RSPO2: variants seen among roughly 807,000 people sequenced by gnomAD.
RSPO2 encodes the protein R-spondin-2.
RSPO2 carries 14 observed loss-of-function variants against 30.9 expected under a neutral mutation model. The ratio of observed to expected loss-of-function variants is 0.45; its 90% CI spans 0.30 to 0.71. The LOEUF is 0.71. Ranked by LOEUF, RSPO2 falls within the 30% of genes least tolerant of loss-of-function variation. The pLI is 0.08. For missense variants in RSPO2, 264 were observed against 301.9 expected (o/e 0.87, Z 0.93); for synonymous variants, 107 against 96.4 (o/e 1.11, Z -0.64).
rs1813250961 is a variant in RSPO2 at position 108,082,784 on chromosome 8, G to T, written c.-146C>A. 1.7e-6 allele frequency: 1 copy of T among 602,494 alleles called. No individual in the cohort carries two copies. Among genetic ancestry groups the T allele is most frequent in the Non-Finnish European group, 2.9e-6 (1 of 341,710 alleles). The allele number at this position is 602,494 out of a possible 1,614,324, so 37.3% of individuals were successfully genotyped here. On this transcript the variant is annotated 5_prime_UTR_variant, in exon 2 of 6. Transcript: ENST00000276659. Reference sequence around the variant, plus strand: ...CGGGCCGCACCGGTCAGTTCAGCGCGATCAGCATCTCTCCGCCACGAACCT... The same window carrying T: ...CGGGCCGCACCGGTCAGTTCAGCGCTATCAGCATCTCTCCGCCACGAACCT...
At chr8:108,001,604 C>A (rs1586616812) in intron 2 of RSPO2, among the ~76,000 whole-genome samples, 1 of 152,256 alleles carries the variant, frequency 6.6e-6, no homozygotes, top group East Asian at 1.9e-4. Flanking sequence ...ACTGCTAACA[C>A]CAATAACATT....
intron 2 of RSPO2, among the ~76,000 whole-genome samples, chr8:108,065,051 T>TC (rs1194031140): frequency 1.3e-5 from 2 of 151,916 alleles, no homozygotes. Flanking sequence ...GGGATAGCAT[T>TC]AGGATATATA....
intron 2 of RSPO2, among the ~76,000 whole-genome samples, chr8:108,041,671 C>T (rs1362058673): frequency 6.6e-6 from 1 of 152,014 alleles, no homozygotes; most frequent in Non-Finnish European, 1.5e-5. Flanking sequence ...GGGTTGTTAT[C>T]AGAGTGATAA....
rs1812773572 is a variant in RSPO2, at chr8:108,069,386, G to A, written c.94+13159C>T. On this transcript the variant is annotated intron_variant, in intron 2 of 5. Transcript: ENST00000276659. Reference sequence around the variant, plus strand: ...GCACCACCCCACCCAGCTAATTTTTGTATTTTTAGCAGAGACAGGGTTTCA... The same window carrying A: ...GCACCACCCCACCCAGCTAATTTTTATATTTTTAGCAGAGACAGGGTTTCA... Among the ~76,000 whole-genome samples the A allele has an allele frequency of 2.0e-5, 3 of 152,092 alleles. No individual in the cohort carries two copies. In the South Asian group the frequency reaches 6.2e-4, roughly 31 times the overall value.
At chr8:107,904,507 A>C (rs1811578029) in intron 5 of RSPO2, among the ~76,000 whole-genome samples, 1 of 152,068 alleles carries the variant, frequency 6.6e-6, no homozygotes, top group South Asian at 2.1e-4. Flanking sequence ...TCTCTTCAAA[A>C]TCAGGTAGAA....
At chr8:108,049,822 G>A (rs1172374532) in intron 2 of RSPO2, among the ~76,000 whole-genome samples, 1 of 152,078 alleles carries the variant, frequency 6.6e-6, no homozygotes, top group Non-Finnish European at 1.5e-5. Flanking sequence ...ATGTGGTTTG[G>A]TTCCAAGTCT....
chr8:107,993,515 C>T (rs1449092723), intron 2 of RSPO2, among the ~76,000 whole-genome samples: 3 of 152,070 alleles, frequency 2.0e-5, no homozygotes, highest in Admixed American at 6.6e-5. Flanking sequence ...GGGTCAAAGG[C>T]AGGCACGGCT....
At chr8:108,034,859 C>T (rs1272363625) in intron 2 of RSPO2, among the ~76,000 whole-genome samples, 3 of 152,188 alleles carry the variant, frequency 2.0e-5, no homozygotes, top group East Asian at 3.9e-4. Flanking sequence ...CTTGTGATAA[C>T]CTGTGACCAG....
chr8:107,946,571 A>C (rs990690392), intron 5 of RSPO2, among the ~76,000 whole-genome samples: 3 of 152,216 alleles, frequency 2.0e-5, no homozygotes, highest in Non-Finnish European at 4.4e-5. Context: ...GGTAGGCCGA[A>C]ATTAAAGGAG....
At chr8:107,905,623 C>A (rs1373278306) in intron 5 of RSPO2, among the ~76,000 whole-genome samples, 2 of 151,946 alleles carry the variant, frequency 1.3e-5, no homozygotes, top group Admixed American at 6.6e-5. Flanking sequence ...TTCTTCAAAG[C>A]CACTAAAACT....
intron 2 of RSPO2, among the ~76,000 whole-genome samples, chr8:108,009,468 G>A (rs981645679): frequency 6.6e-6 from 1 of 152,076 alleles, no homozygotes; most frequent in African/African-American, 2.4e-5. Flanking sequence ...ATATAGACAA[G>A]GCTCTATATA....
chr8:108,014,859 GA>G (rs1810831166), intron 2 of RSPO2, among the ~76,000 whole-genome samples: 2 of 136,578 alleles, frequency 1.5e-5, no homozygotes, highest in East Asian at 2.0e-4. Context: ...AAAAAAAAAA[GA>G]AAAAAAATTC....
At chr8:107,971,941 ACC>A (rs1814013922) in intron 3 of RSPO2, among the ~76,000 whole-genome samples, 3 of 151,982 alleles carry the variant, frequency 2.0e-5, no homozygotes, top group Non-Finnish European at 4.4e-5. Flanking sequence ...CCCTCCCAAC[ACC>A]CAGATACCTA....
intron 2 of RSPO2, among the ~76,000 whole-genome samples, chr8:108,069,129 T>A (rs1033339497): frequency 2.0e-5 from 3 of 151,980 alleles, no homozygotes; most frequent in Non-Finnish European, 2.9e-5. Flanking sequence ...AACCTCAGAG[T>A]AAGTCAAAAA....
intron 2 of RSPO2, chr8:107,997,112 C>A: frequency 4.4e-6 from 1 of 227,018 alleles, no homozygotes. Flanking sequence ...CTCAAACAGA[C>A]TTTTCCATTT....
chr8:108,068,575 G>C (rs1812742800), intron 2 of RSPO2, among the ~76,000 whole-genome samples: 1 of 152,206 alleles, frequency 6.6e-6, no homozygotes, highest in Non-Finnish European at 1.5e-5. Flanking sequence ...AAGATATGTT[G>C]AAGTCCTAAT....
At chr8:107,951,852 T>C (rs1170196035) in intron 5 of RSPO2, among the ~76,000 whole-genome samples, 1 of 152,098 alleles carries the variant, frequency 6.6e-6, no homozygotes, top group Non-Finnish European at 1.5e-5. Flanking sequence ...TGCACCCCTT[T>C]ATATTTATGT....
chr8:108,031,044 T>G (rs1046170785), intron 2 of RSPO2, among the ~76,000 whole-genome samples: 4 of 152,344 alleles, frequency 2.6e-5, no homozygotes, highest in South Asian at 2.1e-4. Flanking sequence ...AGAGAAAGTT[T>G]CTCCCATTGA....
In RSPO2 at chr8:107,952,348, A is replaced by AGCCATTT. The variant is rs557075896; in HGVS notation, c.616+5731_616+5732insAAATGGC. ...TGATTAGCTTCCATGTAGCCGGAGT[A>AGCCATTT]CCTGGAAAATAGTATAACTTGCTTA... On this transcript the variant is annotated intron_variant, in intron 5 of 5. Transcript: ENST00000276659. Among the ~76,000 whole-genome samples the AGCCATTT allele has an allele frequency of 3.6e-3, 543 of 152,198 alleles. 4 individuals are homozygous for AGCCATTT. Among genetic ancestry groups the AGCCATTT allele is most frequent in the African/African-American group, 0.013 (528 of 41,502 alleles).
Sources: allele counts gnomAD v4.1 joint callset (sites outside exome capture counted in the v4.1 genomes callset), GRCh38; gene constraint gnomAD v4.1.1; transcripts MANE v1.5; gene names NCBI Gene and HGNC (gene_info 2026-07-23, HGNC 2026-07-21).